MAF: variants seen among roughly 807,000 people sequenced by gnomAD.
The protein encoded by MAF is transcription factor Maf.
MAF carries 10 observed loss-of-function variants against 22.0 expected under a neutral mutation model. The ratio of observed to expected loss-of-function variants is 0.45; its 90% CI spans 0.28 to 0.77. The LOEUF is 0.77. Among genes scored for constraint, MAF ranks in the 30% least tolerant of loss-of-function variants. The pLI is 0.12. For missense variants in MAF, 544 were observed against 548.4 expected, an observed-to-expected ratio of 0.99 and a Z score of 0.08; for synonymous variants, 337 against 255.8, an observed-to-expected ratio of 1.32 and a Z score of -3.03.
At chr16:79,357,500 G>A in the MAF span, among the ~76,000 whole-genome samples, 1 of 152,160 alleles carries the variant, frequency 6.6e-6, no homozygotes, top group African/African-American at 2.4e-5. Flanking sequence ...AGTCTCCTGA[G>A]CACTGTGCCT....
At chr16:79,512,496 T>A in the MAF span, among the ~76,000 whole-genome samples, 1 of 152,070 alleles carries the variant, frequency 6.6e-6, no homozygotes, top group East Asian at 1.9e-4. Flanking sequence ...CAGGCCCATC[T>A]CCAGGTGTCC....
the MAF span, among the ~76,000 whole-genome samples, chr16:79,451,797 C>T: frequency 6.6e-6 from 1 of 152,172 alleles, no homozygotes; most frequent in Non-Finnish European, 1.5e-5. Flanking sequence ...AGTTCAAGGT[C>T]TATGCTTCTA....
At chr16:79,213,392 G>T in the MAF span, among the ~76,000 whole-genome samples, 4 of 152,134 alleles carry the variant, frequency 2.6e-5, no homozygotes, top group Non-Finnish European at 2.9e-5. Flanking sequence ...ATTATCACAG[G>T]ACCTTTGAAA....
the MAF span, among the ~76,000 whole-genome samples, chr16:79,324,453 A>G: frequency 3.3e-5 from 5 of 152,216 alleles, no homozygotes; most frequent in Admixed American, 2.6e-4. Context: ...GGACTCGAGT[A>G]TGCATGGATT....
At chr16:79,583,617 C>A (rs1184862684), downstream of MAF, among the ~76,000 whole-genome samples, 1 of 152,332 alleles carries the variant, frequency 6.6e-6, no homozygotes, top group East Asian at 1.9e-4. Context: ...ACGTTCTGAT[C>A]GGTCTTTCAG....
chr16:79,358,071 C>T, the MAF span, among the ~76,000 whole-genome samples: 18 of 152,362 alleles, frequency 1.2e-4, no homozygotes, highest in African/African-American at 4.3e-4. Context: ...GGAAAGAACT[C>T]AAAGCAGCTG....
At chr16:79,571,667 T>C in the MAF span, among the ~76,000 whole-genome samples, 1 of 151,440 alleles carries the variant, frequency 6.6e-6, no homozygotes, top group East Asian at 2.0e-4. Flanking sequence ...TTCAAATCTC[T>C]CTATCCTCTG....
chr16:79,394,532 C>T, the MAF span, among the ~76,000 whole-genome samples: 1 of 152,330 alleles, frequency 6.6e-6, no homozygotes, highest in East Asian at 1.9e-4. Context: ...ACATACTCTT[C>T]TCTGTCTTCC....
At chr16:79,554,689 A>C in the MAF span, among the ~76,000 whole-genome samples, 2 of 152,114 alleles carry the variant, frequency 1.3e-5, no homozygotes, top group East Asian at 3.9e-4. Flanking sequence ...CCCAGTTCTA[A>C]AGGCCCAGAA....
chr16:79,296,701 C>A, the MAF span, among the ~76,000 whole-genome samples: 2 of 151,916 alleles, frequency 1.3e-5, no homozygotes, highest in African/African-American at 4.8e-5. Context: ...TCACCTGCCC[C>A]AGGGTTAAGG....
the MAF span, among the ~76,000 whole-genome samples, chr16:79,395,000 C>T: frequency 3.3e-5 from 5 of 152,152 alleles, no homozygotes; most frequent in African/African-American, 1.2e-4. Context: ...ATAGTAGATG[C>T]TTATTAAATG....
At chr16:79,337,094 CA>C in the MAF span, among the ~76,000 whole-genome samples, 4 of 152,156 alleles carry the variant, frequency 2.6e-5, no homozygotes, top group African/African-American at 9.7e-5. Flanking sequence ...TGCAATTGTG[CA>C]ATAAGGGCTA....
At chr16:79,507,755 G>A in the MAF span, among the ~76,000 whole-genome samples, 5 of 152,180 alleles carry the variant, frequency 3.3e-5, no homozygotes, top group African/African-American at 1.2e-4. Flanking sequence ...ACATGTGTTT[G>A]GGAAATCTCG....
the MAF span, among the ~76,000 whole-genome samples, chr16:79,393,196 G>A: frequency 6.6e-6 from 1 of 152,192 alleles, no homozygotes; most frequent in South Asian, 2.1e-4. Flanking sequence ...AATATGTTTT[G>A]GCAGCCTGAG....
At chr16:79,211,917 A>C in the MAF span, 10 of 1,545,142 alleles carry the variant, frequency 6.5e-6, no homozygotes, top group Admixed American at 1.8e-4. Context: ...AAAGGAAATA[A>C]GAGCAGTCAC....
chr16:79,409,007 T>A, the MAF span, among the ~76,000 whole-genome samples: 1 of 138,234 alleles, frequency 7.2e-6, no homozygotes, highest in Admixed American at 7.2e-5. Context: ...AAATTGCGTG[T>A]GTCCCCACCT....
the MAF span, among the ~76,000 whole-genome samples, chr16:79,451,917 A>C: frequency 1.3e-5 from 2 of 152,218 alleles, no homozygotes; most frequent in Non-Finnish European, 2.9e-5. Flanking sequence ...TTTACTGAGC[A>C]CTTACATGTG....
the MAF span, among the ~76,000 whole-genome samples, chr16:79,481,305 A>G: frequency 6.6e-6 from 1 of 152,014 alleles, no homozygotes; most frequent in Non-Finnish European, 1.5e-5. Flanking sequence ...ATTTAAAGTG[A>G]GAAGTTTAAT....
the MAF span, among the ~76,000 whole-genome samples, chr16:79,431,007 G>A: frequency 6.6e-6 from 1 of 152,168 alleles, no homozygotes; most frequent in African/African-American, 2.4e-5. Flanking sequence ...CAACATGGCT[G>A]AAATCCATGT....
Sources: gnomAD v4.1 joint callset for allele counts (sites outside exome capture counted in the v4.1 genomes callset) on GRCh38, gnomAD v4.1.1 for gene constraint, MANE v1.5 for transcripts, NCBI Gene and HGNC (gene_info 2026-07-23, HGNC 2026-07-21) for gene names.